Variants in TYW1 observed in about 807,000 individuals in gnomAD.
TYW1 encodes the protein S-adenosyl-L-methionine-dependent tRNA 4-demethylwyosine synthase TYW1.
A neutral mutation model predicts 96.2 loss-of-function variants in TYW1; 46 were observed. The ratio of observed to expected loss-of-function variants is 0.48; its 90% CI spans 0.38 to 0.61. The LOEUF (loss-of-function observed/expected upper bound fraction) is 0.61, where lower values mean the gene tolerates loss of function less well. Ranked by LOEUF, TYW1 falls within the 20% of genes least tolerant of loss-of-function variation. TYW1 has a pLI of 0.00. For synonymous variants in TYW1, 274 were observed against 323.0 expected (o/e 0.85, Z 1.63); for missense variants, 684 against 909.6 (o/e 0.75, Z 3.19).
rs1305016352 is a variant in TYW1, at chr7:67,072,303, A to G, written c.1274+4900A>G. ...ACTCTGTCACCCAGCCTGGAGTGCA[A>G]TGGGATGATCTTGGCTCACCGCAAC... is the stretch of plus-strand genomic sequence containing the variant. On this transcript the variant is annotated intron_variant, in intron 10 of 15. Transcript: ENST00000359626. Among the ~76,000 whole-genome samples the G allele has an allele frequency of 7.4e-5, 11 of 148,072 alleles. No homozygotes were observed. In the South Asian group the frequency reaches 1.3e-3, roughly 17 times the overall value.
At chr7:67,220,742 CT>C (rs57839783) in intron 15 of TYW1, among the ~76,000 whole-genome samples, 31,388 of 144,558 alleles carry the variant, frequency 0.22, 3,372 homozygotes, top group Middle Eastern at 0.27. Flanking sequence ...CTTTCTTTTT[CT>C]TTTTTTTTTT....
chr7:67,019,480 G>A (rs893196409), intron 6 of TYW1, among the ~76,000 whole-genome samples: 2 of 152,250 alleles, frequency 1.3e-5, no homozygotes, highest in Non-Finnish European at 2.9e-5. Context: ...TTACAGGCAT[G>A]AGCCACCATG....
chr7:67,013,739 C>CTTTTTT (rs931500833), intron 4 of TYW1, among the ~76,000 whole-genome samples: 5 of 97,536 alleles, frequency 5.1e-5, no homozygotes, highest in East Asian at 3.3e-4. Context: ...GCATTTTTTC[C>CTTTTTT]TTTTTTTTTT....
In TYW1 at chr7:67,113,467, C is replaced by A. The variant is rs142033385; in HGVS notation, c.1563-4016C>A. Among the ~76,000 whole-genome samples, 59 of 152,284 alleles carry A rather than the reference C, an allele frequency of 3.9e-4. No individual in the cohort carries two copies. In the East Asian group the frequency reaches 0.011, roughly 29 times the overall value. ...ATCATCCGTATTCTCTTGGATTTTT[C>A]ATTTATGGAATACCGTTTGTTACAT... On this transcript the variant is annotated intron_variant, in intron 12 of 15. Transcript: ENST00000359626.
Position 67,116,251 on chromosome 7 carries a change from G to A in TYW1, c.1563-1232G>A, listed in dbSNP as rs533138035. Among the ~76,000 whole-genome samples the A allele has an allele frequency of 1.6e-4, 24 of 151,784 alleles. 1 individual carries two copies. The South Asian group carries it at 2.1e-3, about 13-fold the overall frequency. ...TGAGGCAGGAGAATCACTTGAACCC[G>A]GAGGCAGAGGTTGCAGTGAGCTGAG... On this transcript the variant is annotated intron_variant, in intron 12 of 15. Transcript: ENST00000359626.
chr7:67,115,022 T>C (rs1797549582), intron 12 of TYW1, among the ~76,000 whole-genome samples: 1 of 152,168 alleles, frequency 6.6e-6, no homozygotes, highest in Admixed American at 6.6e-5. Flanking sequence ...TGGCTAGAAT[T>C]CCTTATTGGT....
At chr7:67,198,275 G>A (rs1361053417) in intron 15 of TYW1, among the ~76,000 whole-genome samples, 3 of 152,184 alleles carry the variant, frequency 2.0e-5, no homozygotes, top group Admixed American at 1.3e-4. Context: ...GGCCCGGTGT[G>A]GTGGCTCATG....
At chr7:67,028,000 C>T (rs1200773967) in intron 7 of TYW1, among the ~76,000 whole-genome samples, 10 of 150,896 alleles carry the variant, frequency 6.6e-5, no homozygotes, top group East Asian at 5.9e-4. Flanking sequence ...TTTGGGAGGC[C>T]GAGGTGGGTG....
intron 15 of TYW1, among the ~76,000 whole-genome samples, chr7:67,217,741 A>G (rs1010206185): frequency 4.0e-5 from 6 of 151,544 alleles, no homozygotes; most frequent in African/African-American, 1.5e-4. Flanking sequence ...TCCCATGAGA[A>G]TCCATATGAA....
intron 13 of TYW1, among the ~76,000 whole-genome samples, chr7:67,179,533 A>G (rs2687040): frequency 7.4e-6 from 1 of 134,328 alleles, no homozygotes; most frequent in Admixed American, 7.5e-5. Context: ...TAAAGTGAAG[A>G]TAATAATCCA....
chr7:67,163,107 G>A (rs182102689), intron 13 of TYW1, among the ~76,000 whole-genome samples: 87 of 151,896 alleles, frequency 5.7e-4, no homozygotes, highest in Middle Eastern at 3.4e-3. Flanking sequence ...GTAAATTTCC[G>A]CATTCTGCTT....
intron 13 of TYW1, among the ~76,000 whole-genome samples, chr7:67,177,339 T>C (rs1050283208): frequency 4.6e-5 from 7 of 151,710 alleles, no homozygotes; most frequent in African/African-American, 1.7e-4. Context: ...GAAACACTAA[T>C]ATGAAAGAAA....
chr7:67,019,880 A>G (rs1794180915), intron 6 of TYW1, among the ~76,000 whole-genome samples: 1 of 152,414 alleles, frequency 6.6e-6, no homozygotes. Flanking sequence ...ATGGTGTGCA[A>G]TGCAAATAGC....
intron 10 of TYW1, among the ~76,000 whole-genome samples, chr7:67,075,013 G>A (rs563989290): frequency 1.9e-4 from 29 of 152,008 alleles, no homozygotes; most frequent in African/African-American, 6.8e-4. Context: ...TTAATAACTG[G>A]GATTACAGGC....
At chr7:67,035,897 C>T (rs1432910907) in intron 7 of TYW1, among the ~76,000 whole-genome samples, 8 of 151,298 alleles carry the variant, frequency 5.3e-5, no homozygotes, top group Admixed American at 2.0e-4. Context: ...CAGGATGGTC[C>T]CGATTTGCTG....
In TYW1 at chr7:67,106,932, G is replaced by A. The variant is rs10260256; in HGVS notation, c.1562+8214G>A. Among the ~76,000 whole-genome samples the A allele has an allele frequency of 4.6e-3, 701 of 152,240 alleles. 4 individuals are homozygous for A. The highest frequency in any genetic ancestry group is 0.015 in the African/African-American group (610 of 41,554). ...TTCATCCCTGTGTACGTTTACTTTCGAACACCTTTTCATTGAAACTATGTA... is the reference window on the plus strand; with the variant it reads ...TTCATCCCTGTGTACGTTTACTTTCAAACACCTTTTCATTGAAACTATGTA... On this transcript the variant is annotated intron_variant, in intron 12 of 15. Transcript: ENST00000359626.
intron 15 of TYW1, among the ~76,000 whole-genome samples, chr7:67,214,059 G>A (rs1449303617): frequency 1.3e-5 from 2 of 152,202 alleles, no homozygotes; most frequent in East Asian, 3.9e-4. Flanking sequence ...CACTCTCTAG[G>A]ATTTTGATTG....
At chr7:67,237,803 C>T (rs1801941017) in intron 15 of TYW1, among the ~76,000 whole-genome samples, 2 of 152,192 alleles carry the variant, frequency 1.3e-5, no homozygotes, top group Middle Eastern at 3.4e-3. Flanking sequence ...GATATTGTAT[C>T]CACGTTAGGC....
At chr7:67,106,698 A>G (rs1344598197) in intron 12 of TYW1, among the ~76,000 whole-genome samples, 1 of 152,222 alleles carries the variant, frequency 6.6e-6, no homozygotes, top group Non-Finnish European at 1.5e-5. Flanking sequence ...TTATTTTCAT[A>G]TTTAGTCCAC....
Sources: allele counts gnomAD v4.1 joint callset (sites outside exome capture counted in the v4.1 genomes callset), GRCh38; gene constraint gnomAD v4.1.1; transcripts MANE v1.5; gene names NCBI Gene and HGNC (gene_info 2026-07-23, HGNC 2026-07-21).